TTC17: variants seen among roughly 807,000 people sequenced by gnomAD.
TTC17 encodes tetratricopeptide repeat protein 17.
TTC17 carries 58 observed loss-of-function variants against 143.8 expected under a neutral mutation model. The observed-to-expected ratio is 0.40, with a 90% CI of 0.33 to 0.50. The LOEUF (loss-of-function observed/expected upper bound fraction) is 0.50, where lower values mean the gene tolerates loss of function less well. TTC17 is among the 20% of genes least tolerant of loss of function. The pLI, the probability that TTC17 is intolerant of heterozygous loss-of-function variation, is 0.49. For missense variants in TTC17, 1,273 were observed against 1,392.5 expected (o/e 0.91, Z 1.37); for synonymous variants, 501 against 497.8 (o/e 1.01, Z -0.09).
At chr11:43,491,274 T>C (rs1478556845) in intron 22 of TTC17, 2 of 152,196 alleles carry the variant, frequency 1.3e-5, no homozygotes, top group Admixed American at 1.3e-4. Context: ...CAGGTAACAG[T>C]TGCTCAAGTT....
chr11:43,445,877 T>G, intron 18 of TTC17: 1 of 828,190 alleles, frequency 1.2e-6, no homozygotes, highest in Non-Finnish European at 2.0e-6. Context: ...CCATTGTAGA[T>G]TTTCTAAGAA....
intron 21 of TTC17, among the ~76,000 whole-genome samples, chr11:43,461,301 G>A (rs940637080): frequency 2.0e-5 from 3 of 150,230 alleles, no homozygotes; most frequent in Admixed American, 6.6e-5. Flanking sequence ...GGAGAATGGC[G>A]TGAACCCGGG....
chr11:43,441,600 G>A (rs182127981), intron 16 of TTC17, among the ~76,000 whole-genome samples: 13 of 152,024 alleles, frequency 8.6e-5, no homozygotes, highest in East Asian at 7.8e-4. Context: ...CTAACTCAGA[G>A]CACACTTATA....
intron 16 of TTC17, among the ~76,000 whole-genome samples, chr11:43,418,088 C>G: frequency 6.6e-6 from 1 of 152,290 alleles, no homozygotes; most frequent in Non-Finnish European, 1.5e-5. Flanking sequence ...TAAAAATACA[C>G]AATCACTATG....
At chr11:43,422,225 G>C (rs919130196) in intron 16 of TTC17, among the ~76,000 whole-genome samples, 1 of 152,184 alleles carries the variant, frequency 6.6e-6, no homozygotes, top group African/African-American at 2.4e-5. Flanking sequence ...TGGAACCTGA[G>C]CAATCAGGTA....
intron 16 of TTC17, among the ~76,000 whole-genome samples, chr11:43,420,416 T>C (rs1323933524): frequency 6.6e-6 from 1 of 152,214 alleles, no homozygotes; most frequent in African/African-American, 2.4e-5. Context: ...AAAACATGGA[T>C]GTAAACTGGA....
chr11:43,420,981 A>C (rs1355022527), intron 16 of TTC17, among the ~76,000 whole-genome samples: 2 of 151,954 alleles, frequency 1.3e-5, no homozygotes, highest in African/African-American at 4.8e-5. Flanking sequence ...TTTATTCTTC[A>C]TTCATTCATT....
chr11:43,421,371 T>A (rs986264537), intron 16 of TTC17, among the ~76,000 whole-genome samples: 1 of 152,204 alleles, frequency 6.6e-6, no homozygotes, highest in Non-Finnish European at 1.5e-5. Flanking sequence ...TGGTGGAGGA[T>A]AGAGCCACTT....
intron 18 of TTC17, among the ~76,000 whole-genome samples, chr11:43,446,919 G>T (rs186053486): frequency 6.6e-6 from 1 of 152,158 alleles, no homozygotes; most frequent in African/African-American, 2.4e-5. Context: ...GAACATACAC[G>T]TTAGAGTCAA....
intron 21 of TTC17, among the ~76,000 whole-genome samples, chr11:43,461,218 A>G (rs1232668637): frequency 6.6e-6 from 1 of 152,178 alleles, no homozygotes; most frequent in East Asian, 1.9e-4. Flanking sequence ...CCCCGCCTCT[A>G]CTAAAAATAC....
At chr11:43,379,534 G>C (rs1246436745) in intron 2 of TTC17, among the ~76,000 whole-genome samples, 1 of 152,044 alleles carries the variant, frequency 6.6e-6, no homozygotes, top group Non-Finnish European at 1.5e-5. Context: ...AAGAAAAACA[G>C]ACTACTCTAG....
intron 2 of TTC17, among the ~76,000 whole-genome samples, chr11:43,379,863 C>T (rs1856899298): frequency 6.6e-6 from 1 of 152,020 alleles, no homozygotes; most frequent in Non-Finnish European, 1.5e-5. Context: ...CATCAGTTTT[C>T]CTTTTCTCTA....
At chr11:43,485,894 T>G (rs1360254203) in intron 21 of TTC17, among the ~76,000 whole-genome samples, 3 of 150,310 alleles carry the variant, frequency 2.0e-5, no homozygotes, top group African/African-American at 7.3e-5. Flanking sequence ...TTTTTTTTTT[T>G]TTTTTTTTTG....
intron 21 of TTC17, among the ~76,000 whole-genome samples, chr11:43,474,773 C>T (rs183156727): frequency 4.6e-4 from 70 of 152,204 alleles, no homozygotes; most frequent in African/African-American, 1.6e-3. Flanking sequence ...CTTATGATAA[C>T]ATAAACAGTT....
intron 15 of TTC17, among the ~76,000 whole-genome samples, chr11:43,410,861 A>T (rs1195566837): frequency 6.6e-6 from 1 of 152,214 alleles, no homozygotes; most frequent in Admixed American, 6.5e-5. Context: ...TTCTCAGGGA[A>T]AATTCAGTCC....
intron 16 of TTC17, among the ~76,000 whole-genome samples, chr11:43,426,951 A>C (rs182074021): frequency 6.6e-6 from 1 of 152,320 alleles, no homozygotes; most frequent in East Asian, 1.9e-4. Flanking sequence ...AGAGTTGTGT[A>C]ATGTACAAGG....
chr11:43,484,219 T>C (rs558499643), intron 21 of TTC17, among the ~76,000 whole-genome samples: 1 of 152,196 alleles, frequency 6.6e-6, no homozygotes, highest in Non-Finnish European at 1.5e-5. Context: ...GATATGATTA[T>C]CTGTATAGTA....
At position 43,450,108 on chromosome 11, in the gene TTC17, C is replaced by T. The variant is rs943709952; in HGVS notation, c.2813C>T (p.Thr938Ile). 6.2e-7 allele frequency: 1 copy of T among 1,613,986 alleles called. No individual in the cohort carries two copies. The highest frequency in any genetic ancestry group is 8.5e-7 in the Non-Finnish European group (1 of 1,179,990). The change falls in exon 20 of 24, where the codon ACC becomes ATC. Residue 938 changes from threonine to isoleucine, a missense_variant. By Grantham distance (89) the Thr-to-Ile change is moderately conservative. Coordinates refer to ENST00000039989, the MANE Select transcript of TTC17 (RefSeq NM_018259.6). ...ATCACAGAACACATAGATTTTGCCA[C>T]CCCTATACAGCAGCCAGCAATGGAG... Reference protein sequence around the residue: ...IDITEHIDFATPIQQPAMEPL... With the variant: ...IDITEHIDFAIPIQQPAMEPL...
At chr11:43,359,947 G>A (rs562614245) in intron 1 of TTC17, among the ~76,000 whole-genome samples, 1 of 152,310 alleles carries the variant, frequency 6.6e-6, no homozygotes, top group African/African-American at 2.4e-5. Context: ...TAACGAGTGC[G>A]TGTGTGTGTT....
Sources: gnomAD v4.1 joint callset for allele counts (sites outside exome capture counted in the v4.1 genomes callset) on GRCh38, gnomAD v4.1.1 for gene constraint, MANE v1.5 for transcripts, NCBI Gene and HGNC (gene_info 2026-07-23, HGNC 2026-07-21) for gene names.